Variants in CCDC124 observed in about 807,000 individuals in gnomAD.
CCDC124 encodes the protein coiled-coil domain containing 124, also known as coiled-coil domain-containing protein 124.
Under a neutral mutation model 19.8 loss-of-function variants are expected in CCDC124, and 9 were observed. The observed-to-expected ratio is 0.45, with a 90% confidence interval of 0.27 to 0.79. CCDC124 has a LOEUF of 0.79. Among genes scored for constraint, CCDC124 ranks in the 30% least tolerant of loss-of-function variants. CCDC124 has a pLI of 0.14. For synonymous variants in CCDC124, 126 were observed against 131.3 expected, an observed-to-expected ratio of 0.96 and a Z score of 0.27; for missense variants, 285 against 319.0, an observed-to-expected ratio of 0.89 and a Z score of 0.81.
intron 1 of CCDC124, among the ~76,000 whole-genome samples, chr19:17,934,435 G>A (rs193284115): frequency 3.5e-4 from 53 of 151,928 alleles, no homozygotes; most frequent in African/African-American, 1.3e-3. Context: ...TCTAGCTGTG[G>A]ACAATGGATA....
In CCDC124 at chr19:17,942,782, A is replaced by C. The variant is rs1272485644; in HGVS notation, c.286A>C (p.Thr96Pro). ...APRVATSSKV[T>P]RAQIEDTLRR... ...GCGGGTGGCCACGTCCAGCAAGGTC[A>C]CCCGGGCCCAGATCGAGGACACGCT... The change falls in exon 3 of 5, where the codon ACC (threonine) becomes CCC (proline). Residue 96 changes from threonine (T) to proline (P), a missense_variant. Coordinates refer to ENST00000445755, the MANE Select transcript of CCDC124 (RefSeq NM_001136203.2). This position sits in a 1 kb window ranked among gnomAD's most constrained non-coding sequence, Gnocchi z 4.2. 1 of 1,546,584 alleles carries C rather than the reference A, an allele frequency of 6.5e-7. No homozygotes were observed. The highest frequency in any genetic ancestry group is 2.4e-5 in the East Asian group (1 of 40,922).
chr19:17,941,066 A>G (rs1319522466), intron 2 of CCDC124, among the ~76,000 whole-genome samples: 1 of 151,896 alleles, frequency 6.6e-6, no homozygotes, highest in Non-Finnish European at 1.5e-5. Context: ...AACGAACGAA[A>G]AAAACACAAA....
chr19:17,939,193 G>A (rs1415577068), intron 2 of CCDC124, among the ~76,000 whole-genome samples: 7 of 152,118 alleles, frequency 4.6e-5, no homozygotes, highest in Middle Eastern at 3.4e-3. Context: ...TCAGGAGTTC[G>A]AGACCATCCT....
chr19:17,943,241 T>TCGGGGGCCCCCCC lies in CCDC124; in HGVS notation c.350-19_350-18insGGGGGCCCCCCCC. 2.0e-5 allele frequency: 15 copies of TCGGGGGCCCCCCC among 736,676 alleles called. No homozygotes were observed. The highest frequency in any genetic ancestry group is 3.4e-5 in the Non-Finnish European group (14 of 414,970). 45.6% of individuals were successfully genotyped at this position (736,676 alleles called of 1,614,324 possible). A position where few individuals can be genotyped will look rare whatever the true frequency, so the allele number is the denominator to read the frequency against. On this transcript the variant is annotated intron_variant, in intron 3 of 4. Coordinates refer to ENST00000445755, the MANE Select transcript of CCDC124 (RefSeq NM_001136203.2). ...CTTTGCTTATCTCTCTCTGTCTCTG[T>TCGGGGGCCCCCCC]CACCCACCCACCCGCCCAGCCGAGA...
intron 2 of CCDC124, among the ~76,000 whole-genome samples, chr19:17,940,906 G>T (rs957882116): frequency 1.3e-5 from 2 of 151,936 alleles, no homozygotes; most frequent in Admixed American, 1.3e-4. Flanking sequence ...AATCAGCCGG[G>T]CATGGTGGCA....
chr19:17,940,757 A>T (rs1263715501), intron 2 of CCDC124, among the ~76,000 whole-genome samples: 1 of 148,630 alleles, frequency 6.7e-6, no homozygotes, highest in Non-Finnish European at 1.5e-5. Context: ...CTAAAAAAAA[A>T]AAAAAAAGGG....
At chr19:17,939,239 A>T (rs2031123434) in intron 2 of CCDC124, among the ~76,000 whole-genome samples, 1 of 151,936 alleles carries the variant, frequency 6.6e-6, no homozygotes, top group African/African-American at 2.4e-5. Context: ...TGCTAAAAAT[A>T]AAAAAATTAG....
chr19:17,939,572 C>A (rs1371547718), intron 2 of CCDC124, among the ~76,000 whole-genome samples: 1 of 151,994 alleles, frequency 6.6e-6, no homozygotes, highest in African/African-American at 2.4e-5. Flanking sequence ...AAGCCCAGAT[C>A]ACGTGGCTAT....
intron 2 of CCDC124, among the ~76,000 whole-genome samples, chr19:17,937,173 C>T (rs531577686): frequency 1.6e-4 from 24 of 151,858 alleles, no homozygotes; most frequent in South Asian, 1.2e-3. Flanking sequence ...CCCAGCTACT[C>T]GGGAGGCTGA....
In CCDC124 at chr19:17,943,284, G is replaced by C. The variant is rs2031231254; in HGVS notation, c.373G>C (p.Glu125Gln). 7.6e-7 allele frequency: 1 copy of C among 1,321,194 alleles called. No individual in the cohort carries two copies. The highest frequency in any genetic ancestry group is 1.6e-5 in the African/African-American group (1 of 62,266). The allele number at this position is 1,321,194 out of a possible 1,614,324, so 81.8% of individuals were successfully genotyped here. Reference protein sequence around the residue: ...DTAEKAKSHLEVPLEENVNRR... With the variant: ...DTAEKAKSHLQVPLEENVNRR... ...AGCCGAGAAAGCCAAGAGCCATCTG[G>C]AGGTGCCGCTGGAGGAGAACGTGAA... is the stretch of plus-strand genomic sequence containing the variant. Residue 125 changes from glutamate (E) to glutamine (Q), a missense_variant, in exon 4 of 5, where the codon GAG becomes CAG. Transcript: ENST00000445755.
intron 2 of CCDC124, among the ~76,000 whole-genome samples, chr19:17,941,801 C>T (rs2031188189): frequency 4.6e-5 from 7 of 151,956 alleles, no homozygotes; most frequent in Admixed American, 3.3e-4. Flanking sequence ...TGGTAGTGTC[C>T]CAGGGGGACA....
At chr19:17,940,136 C>CT (rs1399986038) in intron 2 of CCDC124, among the ~76,000 whole-genome samples, 1 of 151,754 alleles carries the variant, frequency 6.6e-6, no homozygotes, top group African/African-American at 2.4e-5. Context: ...TGGTCTCCAA[C>CT]TCCTTACCTC....
rs1335381989 is a variant in CCDC124 at position 17,943,370 on chromosome 19, G to A, written c.459G>A (p.Val153=). Residue 153 remains valine (V), a synonymous_variant, in exon 4 of 5, where the codon GTG becomes GTA. Transcript: ENST00000445755. ...EARTIEDAIA[V]LSVAEEAADR... ...GCACCATCGAGGACGCCATTGCAGT[G>A]CTCAGGTAACGGGGCGGGGCCTGGG... The A allele has an allele frequency of 1.3e-6, 2 of 1,585,470 alleles. No individual in the cohort carries two copies. The highest frequency in any genetic ancestry group is 1.7e-6 in the Non-Finnish European group (2 of 1,169,732).
chr19:17,939,048 T>C (rs537949326), intron 2 of CCDC124, among the ~76,000 whole-genome samples: 4 of 152,212 alleles, frequency 2.6e-5, no homozygotes, highest in African/African-American at 9.6e-5. Context: ...TCATCAAAAT[T>C]TTGACACTAT....
At chr19:17,934,212 C>T (rs1440482227) in intron 1 of CCDC124, among the ~76,000 whole-genome samples, 1 of 151,412 alleles carries the variant, frequency 6.6e-6, no homozygotes, top group Non-Finnish European at 1.5e-5. Flanking sequence ...CATGGTGAAA[C>T]CCCATCTCTA....
rs899574682 is a variant in CCDC124, at chr19:17,942,033, C to T, written c.160-623C>T. ...TGCAGGCCAGGGCAAGGGCAAGTCC[C>T]GTAGCCCAGATGTCCCTCATCCAGC... On this transcript the variant is annotated intron_variant, in intron 2 of 4. Coordinates refer to ENST00000445755, the MANE Select transcript of CCDC124 (RefSeq NM_001136203.2). This position sits in a 1 kb window ranked among gnomAD's most constrained non-coding sequence, Gnocchi z 4.2. 6.6e-6 allele frequency among the ~76,000 whole-genome samples: 1 copy of T among 152,130 alleles called. No homozygotes were observed. Among genetic ancestry groups the T allele is most frequent in the African/African-American group, 2.4e-5 (1 of 41,424 alleles).
chr19:17,942,786 G>A lies in CCDC124; in HGVS notation c.290G>A (p.Arg97Gln). Residue 97 changes from arginine (R) to glutamine (Q), a missense_variant, in exon 3 of 5, where the codon CGG (arginine) becomes CAG (glutamine). Arg to Gln is a conservative substitution (Grantham distance 43). Transcript: ENST00000445755. The surrounding 1 kb of genome is among the most constrained non-coding windows in gnomAD (Gnocchi z 4.2). ...PRVATSSKVTRAQIEDTLRRD... is the reference protein window; with the variant it reads ...PRVATSSKVTQAQIEDTLRRD... ...GTGGCCACGTCCAGCAAGGTCACCC[G>A]GGCCCAGATCGAGGACACGCTGCGC... is the stretch of plus-strand genomic sequence containing the variant. The A allele has an allele frequency of 2.6e-6, 4 of 1,545,992 alleles. No individual in the cohort carries two copies. Among genetic ancestry groups the A allele is most frequent in the Non-Finnish European group, 3.5e-6 (4 of 1,145,808 alleles).
In CCDC124 at chr19:17,942,818, C is replaced by A; in HGVS notation, c.322C>A (p.His108Asn). ...GATCGAGGACACGCTGCGCCGAGAC[C>A]ATCAGCTCAGGGAGGCCCCGGACAC... is the stretch of plus-strand genomic sequence containing the variant. ...AQIEDTLRRD[H>N]QLREAPDTAE... Residue 108 changes from histidine to asparagine, a missense_variant, in exon 3 of 5, where the codon CAT (histidine) becomes AAT (asparagine). Physicochemically the swap from His to Asn is moderately conservative, Grantham distance 68. Coordinates refer to ENST00000445755, the MANE Select transcript of CCDC124 (RefSeq NM_001136203.2). This position sits in a 1 kb window ranked among gnomAD's most constrained non-coding sequence, Gnocchi z 4.2. 6.5e-7 allele frequency: 1 copy of A among 1,533,196 alleles called. No individual in the cohort carries two copies. The highest frequency in any genetic ancestry group is 8.8e-7 in the Non-Finnish European group (1 of 1,139,942). The allele number at this position is 1,533,196 out of a possible 1,614,324, so 95.0% of individuals were successfully genotyped here. A position where few individuals can be genotyped will look rare whatever the true frequency, so the allele number is the denominator to read the frequency against.
chr19:17,943,122 A>G, intron 3 of CCDC124, 139 bp from the exon 4 acceptor site: 1 of 783,656 alleles, frequency 1.3e-6, no homozygotes, highest in East Asian at 2.7e-5. Context: ...TTATCAGCTG[A>G]AGTCGCGATT....
Sources: allele counts gnomAD v4.1 joint callset (sites outside exome capture counted in the v4.1 genomes callset), GRCh38; gene constraint gnomAD v4.1.1; non-coding constraint Gnocchi (gnomAD v3.1); transcripts MANE v1.5; gene names NCBI Gene and HGNC (gene_info 2026-07-23, HGNC 2026-07-21).